Variants in CFAP61 observed in about 807,000 individuals in gnomAD.
CFAP61 encodes the protein cilia- and flagella-associated protein 61.
CFAP61 carries 107 observed loss-of-function variants against 135.6 expected under a neutral mutation model. The observed-to-expected ratio is 0.79, with a 90% CI of 0.67 to 0.93. The LOEUF is 0.93. Among genes scored for constraint, CFAP61 ranks in the 40% least tolerant of loss-of-function variants. The pLI, the probability that CFAP61 is intolerant of heterozygous loss-of-function variation, is 0.00. For synonymous variants in CFAP61, 575 were observed against 578.5 expected, an observed-to-expected ratio of 0.99 and a Z score of 0.09; for missense variants, 1,507 against 1,556.2, an observed-to-expected ratio of 0.97 and a Z score of 0.53.
chr20:20,235,990 G>A (rs951230017), intron 18 of CFAP61, among the ~76,000 whole-genome samples: 5 of 152,076 alleles, frequency 3.3e-5, no homozygotes, highest in African/African-American at 1.2e-4. Context: ...CTTTCAAACA[G>A]ATAATCCAAC....
intron 21 of CFAP61, among the ~76,000 whole-genome samples, chr20:20,269,166 T>C (rs113607178): frequency 0.036 from 2,398 of 66,904 alleles, 116 homozygotes; most frequent in Non-Finnish European, 0.054. Context: ...CACACACACA[T>C]ACATATATGT....
In CFAP61 at chr20:20,358,144, G is replaced by A. The variant is rs1384461847; in HGVS notation, c.3514-2066G>A. On this transcript the variant is annotated intron_variant, in intron 26 of 26. Transcript: ENST00000245957. ...GGGGTGGTAGTCACACTGAGAGGAG[G>A]TGGTCACACTGAGGGGAGGTGGTCA... is the stretch of plus-strand genomic sequence containing the variant. Among the ~76,000 whole-genome samples, 7 of 147,354 alleles carry A rather than the reference G, an allele frequency of 4.8e-5. No homozygotes were observed. The South Asian group carries it at 6.6e-4, about 14-fold the overall frequency.
chr20:20,269,938 G>C (rs2053214110), intron 21 of CFAP61, among the ~76,000 whole-genome samples: 1 of 152,010 alleles, frequency 6.6e-6, no homozygotes, highest in Admixed American at 6.5e-5. Flanking sequence ...TAACCTCTCT[G>C]TACCTTATTT....
At chr20:20,314,208 A>AC (rs2056981078) in intron 25 of CFAP61, among the ~76,000 whole-genome samples, 1 of 112,596 alleles carries the variant, frequency 8.9e-6, no homozygotes, top group Non-Finnish European at 1.7e-5. Context: ...ACATAGTGAG[A>AC]CCCCATCTCT....
intron 22 of CFAP61, among the ~76,000 whole-genome samples, chr20:20,280,171 G>A (rs997339618): frequency 1.3e-5 from 2 of 152,250 alleles, no homozygotes; most frequent in Non-Finnish European, 2.9e-5. Context: ...TCCAATGGCT[G>A]GTGTCCTTAA....
chr20:20,117,215 A>G (rs1456477741), intron 8 of CFAP61, among the ~76,000 whole-genome samples: 2 of 152,096 alleles, frequency 1.3e-5, no homozygotes, highest in Non-Finnish European at 2.9e-5. Flanking sequence ...ATAGTGGCAC[A>G]CGCCTGTAGT....
rs2050933741 is a variant in CFAP61 at position 20,251,755 on chromosome 20, C to T, written c.2320C>T (p.Gln774Ter). The T allele has an allele frequency of 6.2e-7, 1 of 1,613,374 alleles. No individual in the cohort carries two copies. Among genetic ancestry groups the T allele is most frequent in the African/African-American group, 1.3e-5 (1 of 74,928 alleles). The change falls in exon 20 of 27, where the codon CAG (glutamine) becomes TAG (stop). Residue 774 changes from glutamine (Q) to a stop codon, truncating the protein, a stop_gained. Transcript: ENST00000245957. LOFTEE classifies it high-confidence loss of function. ...YDHLILCTGQ[Q>*]YQVPCPTEAD... ...CCACCTCATCCTCTGCACCGGGCAG[C>T]AGTACCAGGTAAGGCCGGGCACAGG...
intron 18 of CFAP61, 121 bp downstream of exon 18, chr20:20,228,497 C>G (rs1172851886): frequency 6.6e-6 from 5 of 752,570 alleles, no homozygotes; most frequent in Non-Finnish European, 8.7e-6. Context: ...CACACCCTGC[C>G]TATGTGGATG....
At chr20:20,184,534 G>T (rs1489746174) in intron 13 of CFAP61, 1 of 152,286 alleles carries the variant, frequency 6.6e-6, no homozygotes, top group Non-Finnish European at 1.5e-5. Context: ...AGGGGGTCAG[G>T]GTCAGGGAGG....
Position 20,292,086 on chromosome 20 carries a change from G to C in CFAP61, c.3216+1695G>C, listed in dbSNP as rs1452878721. On this transcript the variant is annotated intron_variant, in intron 24 of 26. Transcript: ENST00000245957. ...AATGGGGGCCTACTCAAATGGCACA[G>C]GCTATGGGTTCTTCACCCTTCAGGA... Among the ~76,000 whole-genome samples, 3 of 152,338 alleles carry C rather than the reference G, an allele frequency of 2.0e-5. No homozygotes were observed. In the East Asian group the frequency reaches 5.8e-4, roughly 29 times the overall value.
At chr20:20,341,051 G>A (rs2122371297) in intron 25 of CFAP61, among the ~76,000 whole-genome samples, 1 of 152,162 alleles carries the variant, frequency 6.6e-6, no homozygotes, top group African/African-American at 2.4e-5. Flanking sequence ...CTTCCCCTGT[G>A]CGCACACACA....
intron 9 of CFAP61, among the ~76,000 whole-genome samples, chr20:20,153,288 C>T (rs926053648): frequency 6.6e-6 from 1 of 152,050 alleles, no homozygotes; most frequent in African/African-American, 2.4e-5. Flanking sequence ...CACAGATAGA[C>T]AGTCTAAGGT....
intron 3 of CFAP61, among the ~76,000 whole-genome samples, chr20:20,072,922 C>T (rs2045824101): frequency 6.6e-6 from 1 of 151,990 alleles, no homozygotes; most frequent in South Asian, 2.1e-4. Context: ...ACCTGTTTAT[C>T]TTTATTCTTT....
intron 2 of CFAP61, among the ~76,000 whole-genome samples, chr20:20,061,838 C>T (rs899589476): frequency 2.0e-5 from 3 of 152,136 alleles, no homozygotes; most frequent in Middle Eastern, 3.2e-3. Flanking sequence ...CAGGCCCAAG[C>T]GTTAAGATGG....
chr20:20,212,875 C>T (rs1259643274), intron 17 of CFAP61, among the ~76,000 whole-genome samples: 1 of 152,144 alleles, frequency 6.6e-6, no homozygotes, highest in African/African-American at 2.4e-5. Flanking sequence ...TCTGTGGGGA[C>T]AGCCATAAAT....
In CFAP61 at chr20:20,105,605, A is replaced by G. The variant is rs549413663; in HGVS notation, c.859+6791A>G. Among the ~76,000 whole-genome samples, 20 of 152,044 alleles carry G rather than the reference A, an allele frequency of 1.3e-4. No homozygotes were observed. In the East Asian group the frequency reaches 3.9e-3, roughly 30 times the overall value. ...ACATAGCCCTAATATACTAACTTAT[A>G]CTTGTTAAAATTTGAATTATTTATT... On this transcript the variant is annotated intron_variant, in intron 8 of 26. Coordinates refer to ENST00000245957, the MANE Select transcript of CFAP61 (RefSeq NM_015585.4).
At chr20:20,116,831 A>G (rs1222974683) in intron 8 of CFAP61, among the ~76,000 whole-genome samples, 2 of 152,128 alleles carry the variant, frequency 1.3e-5, no homozygotes, top group South Asian at 2.1e-4. Context: ...TAGTTTCCAC[A>G]TGTGAGTGAG....
intron 2 of CFAP61, among the ~76,000 whole-genome samples, chr20:20,059,422 A>G (rs2044635014): frequency 1.3e-5 from 2 of 150,484 alleles, no homozygotes; most frequent in East Asian, 2.0e-4. Flanking sequence ...TTTGAGACCA[A>G]CCTGGCCTAT....
intron 25 of CFAP61, among the ~76,000 whole-genome samples, chr20:20,306,435 T>C (rs2056481497): frequency 6.6e-6 from 1 of 152,248 alleles, no homozygotes; most frequent in Non-Finnish European, 1.5e-5. Flanking sequence ...GTATAAATTC[T>C]GATTTCAAGT....
Sources: gnomAD v4.1 joint callset for allele counts (sites outside exome capture counted in the v4.1 genomes callset) on GRCh38, gnomAD v4.1.1 for gene constraint, MANE v1.5 for transcripts, NCBI Gene and HGNC (gene_info 2026-07-23, HGNC 2026-07-21) for gene names.